PARD3: variants seen among roughly 807,000 people sequenced by gnomAD.
PARD3 encodes the protein partitioning defective 3 homolog.
A neutral mutation model predicts 155.4 loss-of-function variants in PARD3; 75 were observed. That is an observed-to-expected ratio of 0.48 (90% CI 0.40 to 0.58). The LOEUF (loss-of-function observed/expected upper bound fraction) is 0.58. Among genes scored for constraint, PARD3 ranks in the 20% least tolerant of loss-of-function variants. The pLI is 0.00. For synonymous variants in PARD3, 576 were observed against 610.5 expected (o/e 0.94, Z 0.83); for missense variants, 1,642 against 1,721.7 (o/e 0.95, Z 0.82).
At chr10:34,512,258 T>C (rs564722040) in intron 3 of PARD3, among the ~76,000 whole-genome samples, 1 of 152,366 alleles carries the variant, frequency 6.6e-6, no homozygotes, top group African/African-American at 2.4e-5. Flanking sequence ...AGATGACTTA[T>C]TCCTGCTTTC....
intron 20 of PARD3, among the ~76,000 whole-genome samples, chr10:34,307,112 G>C (rs1002701288): frequency 3.3e-5 from 5 of 151,888 alleles, no homozygotes; most frequent in African/African-American, 1.2e-4. Flanking sequence ...GGATGGTCTC[G>C]ATCTCCTGAA....
At position 34,484,716 on chromosome 10, in the gene PARD3, T is replaced by G. The variant is rs75428902; in HGVS notation, c.404-14453A>C. Among the ~76,000 whole-genome samples, 443 of 152,302 alleles carry G rather than the reference T, an allele frequency of 2.9e-3. 1 individual carries two copies. Among genetic ancestry groups the G allele is most frequent in the African/African-American group, 0.01 (421 of 41,574 alleles). ...AGCACTTCAGCGTGATCCTGCTGCTTCATAAGTACACAGCACTACAGGAAC... is the reference window on the plus strand; with the variant it reads ...AGCACTTCAGCGTGATCCTGCTGCTGCATAAGTACACAGCACTACAGGAAC... On this transcript the variant is annotated intron_variant, in intron 3 of 24. Coordinates refer to ENST00000374788, the MANE Select transcript of PARD3 (RefSeq NM_001184785.2).
chr10:34,236,223 C>T (rs985418235), intron 22 of PARD3, among the ~76,000 whole-genome samples: 1 of 152,164 alleles, frequency 6.6e-6, no homozygotes, highest in Non-Finnish European at 1.5e-5. Context: ...ATCTACACAG[C>T]CTACTGTCTG....
intron 21 of PARD3, among the ~76,000 whole-genome samples, chr10:34,272,460 C>A (rs1209607206): frequency 6.6e-6 from 1 of 152,070 alleles, no homozygotes; most frequent in African/African-American, 2.4e-5. Flanking sequence ...TCAGCCTTCT[C>A]GGCTCATACC....
intron 12 of PARD3, among the ~76,000 whole-genome samples, chr10:34,371,533 C>A (rs11814015): frequency 0.58 from 36,740 of 63,476 alleles, 8,688 homozygotes; most frequent in African/African-American, 0.66. Flanking sequence ...AAAAAAAAAA[C>A]AACGAAGGAA....
chr10:34,704,008 C>T (rs2094325357), intron 1 of PARD3, among the ~76,000 whole-genome samples: 1 of 152,168 alleles, frequency 6.6e-6, no homozygotes, highest in Non-Finnish European at 1.5e-5. Context: ...GAGAATGACA[C>T]AGCATATGAA....
At chr10:34,362,872 G>A (rs568537703) in intron 12 of PARD3, among the ~76,000 whole-genome samples, 4 of 152,216 alleles carry the variant, frequency 2.6e-5, no homozygotes, top group Non-Finnish European at 5.9e-5. Context: ...TATAAAGTAC[G>A]GTAAATTTTG....
At chr10:34,663,045 G>T (rs768498584) in intron 2 of PARD3, among the ~76,000 whole-genome samples, 6 of 152,154 alleles carry the variant, frequency 3.9e-5, no homozygotes, top group Non-Finnish European at 7.4e-5. Flanking sequence ...AAGGGTGTGG[G>T]GCTGGGAGCA....
rs558320264 is a variant in PARD3 at position 34,790,656 on chromosome 10, T to C, written c.120+24220A>G. ...AAAAAATAAATAAGTTATGGCTGAG[T>C]TGATAAAAAATTTTAAAAGATGAAA... On this transcript the variant is annotated intron_variant, in intron 1 of 24. Transcript: ENST00000374788. Among the ~76,000 whole-genome samples the C allele has an allele frequency of 7.7e-4, 118 of 152,310 alleles. 1 individual carries two copies. In the South Asian group the frequency reaches 0.022, roughly 28 times the overall value.
intron 5 of PARD3, among the ~76,000 whole-genome samples, chr10:34,409,602 G>A (rs1844843094): frequency 6.6e-6 from 1 of 152,170 alleles, no homozygotes. Flanking sequence ...AGGAACACTG[G>A]CACCGCTTGT....
At chr10:34,803,551 G>A (rs1002798222) in intron 1 of PARD3, among the ~76,000 whole-genome samples, 3 of 152,186 alleles carry the variant, frequency 2.0e-5, no homozygotes, top group Non-Finnish European at 4.4e-5. Flanking sequence ...AGCACTTTGG[G>A]AGGCCAAGGC....
chr10:34,562,552 T>C (rs914369021), intron 2 of PARD3, among the ~76,000 whole-genome samples: 1 of 152,200 alleles, frequency 6.6e-6, no homozygotes, highest in Non-Finnish European at 1.5e-5. Context: ...CCAATCTGCT[T>C]TTCCATCTTC....
chr10:34,688,686 G>A (rs2093994484), intron 2 of PARD3, among the ~76,000 whole-genome samples: 2 of 152,092 alleles, frequency 1.3e-5, no homozygotes, highest in Admixed American at 1.3e-4. Flanking sequence ...GAACAAATTT[G>A]GGTAAATCCT....
intron 1 of PARD3, among the ~76,000 whole-genome samples, chr10:34,705,078 T>A (rs2133573526): frequency 6.6e-6 from 1 of 152,144 alleles, no homozygotes. Flanking sequence ...TCTGAAGTTC[T>A]GTTCTTAAAA....
At chr10:34,161,140 G>A (rs180876408) in intron 22 of PARD3, among the ~76,000 whole-genome samples, 7 of 151,976 alleles carry the variant, frequency 4.6e-5, no homozygotes, top group Non-Finnish European at 8.8e-5. Flanking sequence ...AGCTACTTGG[G>A]AGGCTGAGAT....
rs540027582 is a variant in PARD3 at position 34,676,514 on chromosome 10, A to T, written c.222+19804T>A. Among the ~76,000 whole-genome samples, 8 of 152,316 alleles carry T rather than the reference A, an allele frequency of 5.3e-5. No individual in the cohort carries two copies. In the South Asian group the frequency reaches 1.5e-3, roughly 28 times the overall value. On this transcript the variant is annotated intron_variant, in intron 2 of 24. Transcript: ENST00000374788. ...GCCACATCTCATCTTTAAGATGAAA[A>T]GTAATTCCATTTTACCTGCCAGCTT...
At chr10:34,463,003 G>GGGAGGGGAAGGGTAGGAAAGGGAACGA (rs2077755637) in intron 4 of PARD3, among the ~76,000 whole-genome samples, 1 of 100,548 alleles carries the variant, frequency 9.9e-6, no homozygotes, top group Non-Finnish European at 2.1e-5. Context: ...AAAGAGAATG[G>GGGAGGGGAAGGGTAGGAAAGGGAACGA]GGAGGGGAAG....
intron 22 of PARD3, among the ~76,000 whole-genome samples, chr10:34,211,699 G>A (rs1951761745): frequency 1.3e-5 from 2 of 151,998 alleles, no homozygotes; most frequent in South Asian, 4.1e-4. Context: ...AGAATTGCTT[G>A]AACCCTGGAG....
chr10:34,812,695 G>A (rs1844341550), intron 1 of PARD3, among the ~76,000 whole-genome samples: 1 of 152,054 alleles, frequency 6.6e-6, no homozygotes, highest in Non-Finnish European at 1.5e-5. Flanking sequence ...TTCACCTACA[G>A]AACTCTAAGT....
Sources: gnomAD v4.1 joint callset for allele counts (sites outside exome capture counted in the v4.1 genomes callset) on GRCh38, gnomAD v4.1.1 for gene constraint, MANE v1.5 for transcripts, NCBI Gene and HGNC (gene_info 2026-07-23, HGNC 2026-07-21) for gene names.